The following NUP50 variants were observed in gnomAD, a reference collection of about 807,000 sequenced individuals.
The protein encoded by NUP50 is nuclear pore complex protein Nup50.
A neutral mutation model predicts 36.8 loss-of-function variants in NUP50; 14 were observed. The observed-to-expected ratio is 0.38, with a 90% CI of 0.25 to 0.59. The LOEUF (loss-of-function observed/expected upper bound fraction) is 0.59. NUP50 is among the 20% of genes least tolerant of loss of function. NUP50 has a pLI of 0.63. For missense variants in NUP50, 455 were observed against 564.6 expected, an observed-to-expected ratio of 0.81 and a Z score of 1.97; for synonymous variants, 195 against 210.8, an observed-to-expected ratio of 0.93 and a Z score of 0.65.
chr22:45,175,546 G>A (rs1435095272), intron 3 of NUP50, among the ~76,000 whole-genome samples: 1 of 152,140 alleles, frequency 6.6e-6, no homozygotes, highest in Non-Finnish European at 1.5e-5. Flanking sequence ...CTTTCATTTG[G>A]GATTTAGTTT....
chr22:45,183,004 TTTATTTGTTCC>T (rs1254553084), intron 6 of NUP50, among the ~76,000 whole-genome samples: 2 of 147,032 alleles, frequency 1.4e-5, no homozygotes, highest in Admixed American at 6.8e-5. Flanking sequence ...GTCTTTGTCC[TTTATTTGTTCC>T]TGTCTTTAGA....
chr22:45,187,910 A>G lies in NUP50; in HGVS notation c.*3255A>G, dbSNP rs1287639610. 1 of 152,704 alleles carries G rather than the reference A, an allele frequency of 6.5e-6. No individual in the cohort carries two copies. Among genetic ancestry groups the G allele is most frequent in the Non-Finnish European group, 1.5e-5 (1 of 68,058 alleles). 9.5% of individuals were successfully genotyped at this position (152,704 alleles called of 1,614,324 possible). ...TTGTTTTCTAAAACTAAAATACTTG[A>G]ATTGTCAGACAATATAATCTCAGCT... On this transcript the variant is annotated 3_prime_UTR_variant, in exon 8 of 8. Coordinates refer to ENST00000347635, the MANE Select transcript of NUP50 (RefSeq NM_007172.4).
In NUP50 at chr22:45,178,542, G is replaced by A; in HGVS notation, c.645G>A (p.Val215=). The A allele has an allele frequency of 6.2e-7, 1 of 1,612,032 alleles. No homozygotes were observed. Among genetic ancestry groups the A allele is most frequent in the Non-Finnish European group, 8.5e-7 (1 of 1,179,866 alleles). The stretch of plus-strand genomic sequence containing the variant: ...ATTCTGAAAGTGAATCTAACAAAGT[G>A]GCAGCTGAAACACAGTCTCCTTCCC... The part of the protein sequence containing the change: ...GRNSESESNK[V]AAETQSPSLF... The change falls in exon 5 of 8, where the codon GTG becomes GTA. Residue 215 remains valine (V), a synonymous_variant. Coordinates refer to ENST00000347635, the MANE Select transcript of NUP50 (RefSeq NM_007172.4).
chr22:45,169,821 C>G (rs963268114), intron 2 of NUP50, among the ~76,000 whole-genome samples: 3 of 152,024 alleles, frequency 2.0e-5, no homozygotes, highest in Non-Finnish European at 4.4e-5. Flanking sequence ...AGGGAACACT[C>G]TGCTCCACCA....
chr22:45,177,814 CTT>C (rs79753015), intron 4 of NUP50: 24,094 of 167,580 alleles, frequency 0.14, 2,257 homozygotes, highest in Middle Eastern at 0.24. Context: ...TGAACACATA[CTT>C]TTTGAGCGGT....
At chr22:45,182,984 A>T (rs1471104971) in intron 6 of NUP50, among the ~76,000 whole-genome samples, 1 of 147,764 alleles carries the variant, frequency 6.8e-6, no homozygotes, top group African/African-American at 2.5e-5. Context: ...GGTGGGCGAG[A>T]TAGGACAGGG....
intron 1 of NUP50, among the ~76,000 whole-genome samples, chr22:45,165,514 A>G (rs2074081844): frequency 6.6e-6 from 1 of 152,200 alleles, no homozygotes; most frequent in Non-Finnish European, 1.5e-5. Context: ...GTTCTTCATA[A>G]CAGTAGCTAG....
Position 45,178,644 on chromosome 22 carries a change from G to A in NUP50, c.747G>A (p.Lys249=). Residue 249 remains lysine, a synonymous_variant, in exon 5 of 8, where the codon AAG becomes AAA. Transcript: ENST00000347635. ...HGNKTEDTPD[K]KMEVASEKKT... is the part of the protein sequence containing the mutation. ...ACAAAACTGAAGATACACCTGACAA[G>A]AAGATGGAGGTGGCATCTGAAAAGA... The A allele has an allele frequency of 6.2e-7, 1 of 1,611,984 alleles. No homozygotes were observed. Among genetic ancestry groups the A allele is most frequent in the Non-Finnish European group, 8.5e-7 (1 of 1,179,848 alleles).
chr22:45,172,866 A>G (rs1289203600), intron 3 of NUP50, among the ~76,000 whole-genome samples: 1 of 152,222 alleles, frequency 6.6e-6, no homozygotes, highest in East Asian at 1.9e-4. Flanking sequence ...ATAAAAATAA[A>G]GTATTCGCAA....
At position 45,187,922 on chromosome 22, in the gene NUP50, A is replaced by G. The variant is rs1058043; in HGVS notation, c.*3267A>G. 69,627 of 152,596 alleles carry G rather than the reference A, an allele frequency of 0.46. 16,458 individuals are homozygous for G. Among genetic ancestry groups the G allele is most frequent in the Middle Eastern group, 0.54 (158 of 294 alleles). 9.5% of individuals were successfully genotyped at this position (152,596 alleles called of 1,614,324 possible). ...ACTAAAATACTTGAATTGTCAGACA[A>G]TATAATCTCAGCTTGTATTAGTTTT... On this transcript the variant is annotated 3_prime_UTR_variant, in exon 8 of 8. Coordinates refer to ENST00000347635, the MANE Select transcript of NUP50 (RefSeq NM_007172.4).
chr22:45,175,683 T>G, intron 3 of NUP50: 1 of 468,360 alleles, frequency 2.1e-6, no homozygotes, highest in Non-Finnish European at 3.8e-6. Context: ...CCTGCCTGTT[T>G]CAGGAAAGCA....
rs1457224903 is a variant in NUP50, at chr22:45,184,740, T to C, written c.*85T>C. ...AGTTAGTCAGTTTTTCTTCTCTTCTTTGACATTCTAAGAACTTATAGATAA... is the reference window on the plus strand; with the variant it reads ...AGTTAGTCAGTTTTTCTTCTCTTCTCTGACATTCTAAGAACTTATAGATAA... On this transcript the variant is annotated 3_prime_UTR_variant, in exon 8 of 8. Transcript: ENST00000347635. 9.0e-6 allele frequency: 9 copies of C among 996,460 alleles called. No homozygotes were observed. The highest frequency in any genetic ancestry group is 1.6e-5 in the African/African-American group (1 of 62,658). The allele number at this position is 996,460 out of a possible 1,614,324, so 61.7% of individuals were successfully genotyped here.
chr22:45,176,326 T>G (rs2074276381), intron 4 of NUP50, among the ~76,000 whole-genome samples: 1 of 152,206 alleles, frequency 6.6e-6, no homozygotes, highest in African/African-American at 2.4e-5. Flanking sequence ...TGTGTGACCC[T>G]GGCCTCTAGG....
chr22:45,168,769 A>G (rs2074135298), intron 2 of NUP50, among the ~76,000 whole-genome samples: 1 of 152,178 alleles, frequency 6.6e-6, no homozygotes, highest in South Asian at 2.1e-4. Flanking sequence ...TTATAGGAAT[A>G]GAATTGAGAT....
Position 45,171,525 on chromosome 22 carries a change from C to CTTG in NUP50, c.70-62_70-60dup, listed in dbSNP as rs539547235. On this transcript the variant is annotated intron_variant, in intron 2 of 7. Transcript: ENST00000347635. The stretch of plus-strand genomic sequence containing the variant: ...GCCGGACACAGTGGCTCAGTTCTAG[C>CTTG]TTGTTGTTGTTGTTGAGGATTTTGT... 2.6e-4 allele frequency: 343 copies of CTTG among 1,336,562 alleles called. 1 individual carries two copies. In the Middle Eastern group the frequency reaches 3.9e-3, roughly 15 times the overall value. 82.8% of individuals were successfully genotyped at this position (1,336,562 alleles called of 1,614,324 possible).
chr22:45,183,567 A>T, intron 7 of NUP50, 47 bp downstream of exon 7: 1 of 1,204,224 alleles, frequency 8.3e-7, no homozygotes, highest in Non-Finnish European at 1.2e-6. Flanking sequence ...CACATAGTAT[A>T]TAAAAGCGTT....
chr22:45,165,379 G>A (rs773448131), intron 1 of NUP50, among the ~76,000 whole-genome samples: 3 of 152,210 alleles, frequency 2.0e-5, no homozygotes, highest in Non-Finnish European at 4.4e-5. Context: ...GGGACCACAG[G>A]CGTGCGCCAC....
In NUP50 at chr22:45,183,419, A is replaced by G. The variant is rs1421120849; in HGVS notation, c.1103A>G (p.Lys368Arg). The change falls in exon 7 of 8, where the codon AAG (lysine) becomes AGG (arginine). Residue 368 changes from lysine (K) to arginine (R), a missense_variant. By Grantham distance (26) the Lys-to-Arg change is conservative. This residue lies in a region of NUP50 where 287 missense variants were observed against 345.5 expected (regional missense o/e 0.83). Transcript: ENST00000347635. The part of the protein sequence containing the change: ...FYSKKCKLFY[K>R]KDNEFKEKGI... ...CTCCATAGGTGTAAACTGTTTTACA[A>G]GAAAGACAATGAGTTTAAAGAGAAA... 13 of 1,596,600 alleles carry G rather than the reference A, an allele frequency of 8.1e-6. No individual in the cohort carries two copies. Among genetic ancestry groups the G allele is most frequent in the Non-Finnish European group, 1.1e-5 (13 of 1,165,830 alleles).
At position 45,178,598 on chromosome 22, in the gene NUP50, C is replaced by T. The variant is rs1278468282; in HGVS notation, c.701C>T (p.Ser234Leu). 6 of 1,611,900 alleles carry T rather than the reference C, an allele frequency of 3.7e-6. No homozygotes were observed. In the South Asian group the frequency reaches 6.6e-5, roughly 18 times the overall value. The change falls in exon 5 of 8, where the codon TCA becomes TTA. Residue 234 changes from serine to leucine, a missense_variant. Coordinates refer to ENST00000347635, the MANE Select transcript of NUP50 (RefSeq NM_007172.4). ...GGCTCAACAAAATTACAGCAAGAGT[C>T]AACGTTTTTGTTTCATGGCAACAAA... is the stretch of plus-strand genomic sequence containing the variant. ...LFGSTKLQQESTFLFHGNKTE... is the reference protein window; with the variant it reads ...LFGSTKLQQELTFLFHGNKTE...
Sources: gnomAD v4.1 joint callset for allele counts (sites outside exome capture counted in the v4.1 genomes callset) on GRCh38, gnomAD v4.1.1 for gene constraint, gnomAD v4.1.1 regional missense constraint, MANE v1.5 for transcripts, NCBI Gene and HGNC (gene_info 2026-07-23, HGNC 2026-07-21) for gene names.